Variants in RAP1GAP2 observed in about 807,000 individuals in gnomAD.
RAP1GAP2 encodes RAP1 GTPase activating protein 2, also known as rap1 GTPase-activating protein 2.
RAP1GAP2 carries 27 observed loss-of-function variants against 95.0 expected under a neutral mutation model. The ratio of observed to expected loss-of-function variants is 0.28; its 90% confidence interval spans 0.21 to 0.39. RAP1GAP2 has a LOEUF of 0.39. Among genes scored for constraint, RAP1GAP2 ranks in the 10% least tolerant of loss-of-function variants. RAP1GAP2 has a pLI of 1.00. For missense variants in RAP1GAP2, 771 were observed against 970.0 expected (o/e 0.79, Z 2.72); for synonymous variants, 373 against 380.9 (o/e 0.98, Z 0.24).
At chr17:2,970,309 G>A (rs576946711) in intron 8 of RAP1GAP2, among the ~76,000 whole-genome samples, 45 of 146,158 alleles carry the variant, frequency 3.1e-4, no homozygotes, top group African/African-American at 1.0e-3. Flanking sequence ...ATAATAATAC[G>A]TCCCTTGTTA....
upstream of RAP1GAP2, among the ~76,000 whole-genome samples, chr17:2,776,359 T>TCCCCATTGC (rs61493661): frequency 0.013 from 2,020 of 152,084 alleles, 35 homozygotes; most frequent in African/African-American, 0.042. Flanking sequence ...GCACCTCGGT[T>TCCCCATTGC]CCCCATTGCC....
chr17:2,886,733 C>T (rs184308409), intron 2 of RAP1GAP2, among the ~76,000 whole-genome samples: 5 of 152,262 alleles, frequency 3.3e-5, no homozygotes, highest in South Asian at 4.1e-4. Flanking sequence ...CCCCAGCAGA[C>T]GGCTTGATGA....
At chr17:2,758,860 G>A (rs953935792) in intron 1 of RAP1GAP2, among the ~76,000 whole-genome samples, 5 of 152,090 alleles carry the variant, frequency 3.3e-5, no homozygotes, top group Admixed American at 6.6e-5. Flanking sequence ...CTCAAACAAC[G>A]CCACTGAGGC....
chr17:2,963,181 G>T lies in RAP1GAP2; in HGVS notation c.247-249G>T. The T allele has an allele frequency of 3.4e-6, 2 of 581,566 alleles. No homozygotes were observed. Among genetic ancestry groups the T allele is most frequent in the Non-Finnish European group, 6.1e-6 (2 of 326,456 alleles). The allele number at this position is 581,566 out of a possible 1,614,324, so 36.0% of individuals were successfully genotyped here. A position where few individuals can be genotyped will look rare whatever the true frequency, so the allele number is the denominator to read the frequency against. On this transcript the variant is annotated intron_variant, in intron 5 of 24. Coordinates refer to ENST00000254695, the MANE Select transcript of RAP1GAP2 (RefSeq NM_015085.5). This position sits in a 1 kb window ranked among gnomAD's most constrained non-coding sequence, Gnocchi z 4.8. ...CTAGGATGAGAAGCTGGTATCACGA[G>T]GGGTGAGAAGTTCAGCACCTTCGGA...
chr17:2,782,905 T>A (rs1254193833), intron 1 of RAP1GAP2, among the ~76,000 whole-genome samples: 1 of 152,132 alleles, frequency 6.6e-6, no homozygotes, highest in Non-Finnish European at 1.5e-5. Context: ...TAATCCCAGC[T>A]ACTTTGGAGG....
At chr17:2,888,579 G>A (rs1477632844) in intron 2 of RAP1GAP2, among the ~76,000 whole-genome samples, 1 of 151,910 alleles carries the variant, frequency 6.6e-6, no homozygotes, top group Non-Finnish European at 1.5e-5. Context: ...TATGCATGTC[G>A]CCACGAATGA....
At chr17:2,996,744 C>T (rs981974511) in intron 13 of RAP1GAP2, among the ~76,000 whole-genome samples, 3 of 152,130 alleles carry the variant, frequency 2.0e-5, no homozygotes, top group South Asian at 2.1e-4. Flanking sequence ...CGGCTCTTGG[C>T]GGGGACTGAG....
chr17:3,018,892 G>A (rs775869713), intron 18 of RAP1GAP2, among the ~76,000 whole-genome samples: 51 of 152,110 alleles, frequency 3.4e-4, no homozygotes, highest in Admixed American at 9.2e-4. Context: ...GTGAAACCCC[G>A]TCTCTACTAA....
intron 2 of RAP1GAP2, among the ~76,000 whole-genome samples, chr17:2,839,859 C>T (rs1025153137): frequency 1.3e-5 from 2 of 152,064 alleles, no homozygotes; most frequent in East Asian, 1.9e-4. Flanking sequence ...GAGTGCAATG[C>T]GTGATCTCGG....
rs1396563002 is a variant in RAP1GAP2, at chr17:2,902,600, A to G, written c.81-2684A>G. 6.6e-6 allele frequency among the ~76,000 whole-genome samples: 1 copy of G among 152,084 alleles called. No individual in the cohort carries two copies. Among genetic ancestry groups the G allele is most frequent in the Non-Finnish European group, 1.5e-5 (1 of 68,012 alleles). On this transcript the variant is annotated intron_variant, in intron 2 of 24. Coordinates refer to ENST00000254695, the MANE Select transcript of RAP1GAP2 (RefSeq NM_015085.5). This position sits in a 1 kb window ranked among gnomAD's most constrained non-coding sequence, Gnocchi z 4.1. ...TCTGGAGTCCTGGACACAGCGCTGG[A>G]GCTTGCATGAGGCTGGTCACCACTG...
At position 3,035,192 on chromosome 17, in the gene RAP1GAP2, C is replaced by G. The variant is rs2047437767; in HGVS notation, c.*1831C>G. 6.6e-6 allele frequency: 1 copy of G among 152,494 alleles called. No individual in the cohort carries two copies. Among genetic ancestry groups the G allele is most frequent in the Non-Finnish European group, 1.5e-5 (1 of 68,022 alleles). The allele number at this position is 152,494 out of a possible 1,614,324, so 9.4% of individuals were successfully genotyped here. ...GAAGGTCAACAAAATATCTGTTTAG[C>G]TTTTATGAAGAGTCACCGTAGCAGC... On this transcript the variant is annotated 3_prime_UTR_variant, in exon 25 of 25. Coordinates refer to ENST00000254695, the MANE Select transcript of RAP1GAP2 (RefSeq NM_015085.5). The surrounding 1 kb of genome is among the most constrained non-coding windows in gnomAD (Gnocchi z 4.3).
chr17:2,844,512 C>T lies in RAP1GAP2; in HGVS notation c.80+43962C>T, dbSNP rs373785338. ...GGTGGAAAAGCCCCAGAAAGCAGGC[C>T]TGGTGGAAAGCTTGCACATTGCAGA... On this transcript the variant is annotated intron_variant, in intron 2 of 24. Transcript: ENST00000254695. 6.6e-5 allele frequency among the ~76,000 whole-genome samples: 10 copies of T among 152,182 alleles called. 1 individual carries two copies. The highest frequency in any genetic ancestry group is 6.5e-4 in the Admixed American group (10 of 15,274).
intron 2 of RAP1GAP2, among the ~76,000 whole-genome samples, chr17:2,874,446 A>G (rs1489377822): frequency 6.6e-6 from 1 of 152,160 alleles, no homozygotes; most frequent in Non-Finnish European, 1.5e-5. Context: ...TGACGGAGGC[A>G]TTGGAAGCTT....
intron 3 of RAP1GAP2, among the ~76,000 whole-genome samples, chr17:2,935,986 G>C (rs1484090926): frequency 2.0e-5 from 3 of 152,178 alleles, no homozygotes; most frequent in Admixed American, 2.0e-4. Context: ...CTGGTTTCGA[G>C]AGAAGAGAGG....
intron 1 of RAP1GAP2, among the ~76,000 whole-genome samples, chr17:2,762,397 C>CTTTTTTT (rs71150894): frequency 4.0e-5 from 5 of 124,206 alleles, no homozygotes; most frequent in African/African-American, 1.2e-4. Context: ...TTTTTTCTTT[C>CTTTTTTT]TTTTTTTTTT....
At position 3,029,376 on chromosome 17, in the gene RAP1GAP2, C is replaced by A. The variant is rs145963726; in HGVS notation, c.2108-1546C>A. 7.0e-3 allele frequency among the ~76,000 whole-genome samples: 1,068 copies of A among 152,214 alleles called. 10 individuals are homozygous for A. The highest frequency in any genetic ancestry group is 0.024 in the African/African-American group (986 of 41,508). On this transcript the variant is annotated intron_variant, in intron 22 of 24. Coordinates refer to ENST00000254695, the MANE Select transcript of RAP1GAP2 (RefSeq NM_015085.5). The surrounding 1 kb of genome is among the most constrained non-coding windows in gnomAD (Gnocchi z 4.4). The stretch of plus-strand genomic sequence containing the variant: ...CACCTTTTCTCCACACAGTATTTAA[C>A]CCCGATGGGCTGCTTTTCACCCCCA...
chr17:2,983,082 G>A (rs1047050822), intron 10 of RAP1GAP2, among the ~76,000 whole-genome samples: 3 of 152,208 alleles, frequency 2.0e-5, no homozygotes, highest in African/African-American at 7.2e-5. Flanking sequence ...CGAAGCGTCC[G>A]TTTCCCCAGA....
chr17:2,780,304 G>A (rs936894092), intron 1 of RAP1GAP2, among the ~76,000 whole-genome samples: 1 of 152,236 alleles, frequency 6.6e-6, no homozygotes, highest in Non-Finnish European at 1.5e-5. Context: ...GCCCGCCCTG[G>A]CCTCCCAAAG....
chr17:2,917,517 G>A (rs563143978), intron 3 of RAP1GAP2, among the ~76,000 whole-genome samples: 12 of 151,882 alleles, frequency 7.9e-5, no homozygotes, highest in African/African-American at 2.7e-4. Context: ...TGATCCACCC[G>A]CCTTGGGCTC....
Sources: gnomAD v4.1 joint callset for allele counts (sites outside exome capture counted in the v4.1 genomes callset) on GRCh38, gnomAD v4.1.1 for gene constraint, Gnocchi (gnomAD v3.1) non-coding constraint, MANE v1.5 for transcripts, NCBI Gene and HGNC (gene_info 2026-07-23, HGNC 2026-07-21) for gene names.